The following SLC25A27 variants were observed in gnomAD, a reference collection of about 807,000 sequenced individuals.
SLC25A27 encodes mitochondrial uncoupling protein 4.
SLC25A27 carries 35 observed loss-of-function variants against 49.1 expected under a neutral mutation model. That is an observed-to-expected ratio of 0.71 (90% CI 0.54 to 0.95). The LOEUF (loss-of-function observed/expected upper bound fraction) is 0.95, where lower values mean the gene tolerates loss of function less well. Ranked by LOEUF, SLC25A27 falls within the 40% of genes least tolerant of loss-of-function variation. The pLI is 0.00. For missense variants in SLC25A27, 339 were observed against 397.1 expected (o/e 0.85, Z 1.24); for synonymous variants, 144 against 136.9 (o/e 1.05, Z -0.36).
At chr6:46,668,979 T>A (rs1763419969) in intron 6 of SLC25A27, among the ~76,000 whole-genome samples, 186 bp downstream of exon 6, 1 of 152,218 alleles carries the variant, frequency 6.6e-6, no homozygotes, top group African/African-American at 2.4e-5. Flanking sequence ...ACAGACAAAG[T>A]TGTAGGATGT....
At chr6:46,667,037 T>C (rs956511144) in intron 5 of SLC25A27, among the ~76,000 whole-genome samples, 1 of 152,162 alleles carries the variant, frequency 6.6e-6, no homozygotes, top group African/African-American at 2.4e-5. Flanking sequence ...AACTAGTCTT[T>C]CCATATCTAC....
At chr6:46,673,953 G>T (rs1763656147) in intron 8 of SLC25A27, among the ~76,000 whole-genome samples, 1 of 152,138 alleles carries the variant, frequency 6.6e-6, no homozygotes, top group African/African-American at 2.4e-5. Context: ...GACATTTATG[G>T]TTAACTCCAT....
At position 46,653,551 on chromosome 6, in the gene SLC25A27, T is replaced by C. The variant is rs371129657; in HGVS notation, c.106+253T>C. ...GCTGTGGTGCTTGAATGTTGTACTT[T>C]AAGAAGCTTCGCGAGCTGTCATTCC... On this transcript the variant is annotated intron_variant, in intron 1 of 8. Transcript: ENST00000371347. 11 of 985,342 alleles carry C rather than the reference T, an allele frequency of 1.1e-5. No individual in the cohort carries two copies. The African/African-American group carries it at 1.9e-4, about 17-fold the overall frequency. 61.0% of individuals were successfully genotyped at this position (985,342 alleles called of 1,614,324 possible).
chr6:46,653,640 C>G, intron 1 of SLC25A27: 1 of 985,302 alleles, frequency 1.0e-6, no homozygotes. Flanking sequence ...TGTTTTCCAT[C>G]CTTACTGAGA....
intron 4 of SLC25A27, among the ~76,000 whole-genome samples, chr6:46,663,929 A>G (rs1763244321): frequency 6.6e-6 from 1 of 152,254 alleles, no homozygotes; most frequent in African/African-American, 2.4e-5. Flanking sequence ...CATCTCATGT[A>G]TATTAAATGC....
chr6:46,674,863 TTA>T (rs1195573682), intron 8 of SLC25A27, among the ~76,000 whole-genome samples: 3 of 152,172 alleles, frequency 2.0e-5, no homozygotes, highest in Non-Finnish European at 4.4e-5. Flanking sequence ...AAGAGAGCTC[TTA>T]TATGTTCAAC....
At chr6:46,661,489 T>C (rs1275800471) in intron 3 of SLC25A27, among the ~76,000 whole-genome samples, 3 of 152,250 alleles carry the variant, frequency 2.0e-5, no homozygotes, top group African/African-American at 7.2e-5. Flanking sequence ...CTTTAAGATA[T>C]GCTGTTAAGA....
chr6:46,654,155 G>T, intron 1 of SLC25A27: 1 of 979,438 alleles, frequency 1.0e-6, no homozygotes, highest in East Asian at 1.1e-4. Flanking sequence ...GTATACTCAT[G>T]TGTTTCCTGT....
rs995645382 is a variant in SLC25A27 at position 46,654,395 on chromosome 6, G to T, written c.106+1097G>T. On this transcript the variant is annotated intron_variant, in intron 1 of 8. Transcript: ENST00000371347. The stretch of plus-strand genomic sequence containing the variant: ...TGTCTCTCCTTTCGAAAATGATGGA[G>T]AATTTTTACTTTTCATTGTTTTTAC... 2.6e-5 allele frequency among the ~76,000 whole-genome samples: 4 copies of T among 152,150 alleles called. 1 individual carries two copies. Among genetic ancestry groups the T allele is most frequent in the Admixed American group, 1.3e-4 (2 of 15,284 alleles).
chr6:46,661,182 G>A (rs1446536311), intron 3 of SLC25A27, among the ~76,000 whole-genome samples: 2 of 152,092 alleles, frequency 1.3e-5, no homozygotes, highest in Admixed American at 6.5e-5. Flanking sequence ...ATATGATAAT[G>A]TATGTGCTCA....
At chr6:46,666,517 T>C (rs1299561397) in intron 5 of SLC25A27, among the ~76,000 whole-genome samples, 1 of 152,208 alleles carries the variant, frequency 6.6e-6, no homozygotes, top group Non-Finnish European at 1.5e-5. Context: ...GTTTTCAGCT[T>C]TGCTATTAGA....
intron 2 of SLC25A27, 81 bp downstream of exon 2, chr6:46,656,115 A>C (rs1762969449): frequency 2.4e-6 from 3 of 1,245,500 alleles, no homozygotes; most frequent in Non-Finnish European, 3.4e-6. Flanking sequence ...TCCAAAAACA[A>C]GTTAGTTTTT....
Position 46,657,224 on chromosome 6 carries a change from A to G in SLC25A27, c.298+1190A>G, listed in dbSNP as rs530239303. Among the ~76,000 whole-genome samples the G allele has an allele frequency of 1.1e-4, 17 of 152,238 alleles. No individual in the cohort carries two copies. The South Asian group carries it at 3.5e-3, about 32-fold the overall frequency. Reference sequence around the variant, plus strand: ...CACACCTATAATCCAGCACTTTGGGAGGCACAGGTGGGTGGATCACCTAAG... The same window carrying G: ...CACACCTATAATCCAGCACTTTGGGGGGCACAGGTGGGTGGATCACCTAAG... On this transcript the variant is annotated intron_variant, in intron 2 of 8. Coordinates refer to ENST00000371347, the MANE Select transcript of SLC25A27 (RefSeq NM_004277.5).
chr6:46,655,958 AG>A lies in SLC25A27; in HGVS notation c.223del (p.Ala75LeufsTer2). On this transcript the variant is annotated frameshift_variant, in exon 2 of 9. Coordinates refer to ENST00000371347, the MANE Select transcript of SLC25A27 (RefSeq NM_004277.5). LOFTEE classifies it high-confidence loss of function. ...CCCCCTATAGGGGAATGGTGCGCAC[AG>A]CTCTAGGGATCATTGAAGAGGAAGG... ...SAPYRGMVRT[A>X]LGIIEEEGFL... 1 of 1,613,884 alleles carries A rather than the reference AG, an allele frequency of 6.2e-7. No homozygotes were observed. Among genetic ancestry groups the A allele is most frequent in the Non-Finnish European group, 8.5e-7 (1 of 1,179,924 alleles).
At chr6:46,667,845 GTC>G (rs1180627908) in intron 5 of SLC25A27, among the ~76,000 whole-genome samples, 2 of 152,064 alleles carry the variant, frequency 1.3e-5, no homozygotes, top group African/African-American at 4.8e-5. Flanking sequence ...TTACTTTATT[GTC>G]TCATCCCACA....
rs1245647026 is a variant in SLC25A27, at chr6:46,662,495, T to C, written c.503T>C (p.Leu168Ser). Residue 168 changes from leucine to serine, a missense_variant, in exon 4 of 9, where the codon TTG (leucine) becomes TCG (serine). Leu to Ser is a moderately radical substitution (Grantham distance 145). Coordinates refer to ENST00000371347, the MANE Select transcript of SLC25A27 (RefSeq NM_004277.5). The part of the protein sequence containing the change: ...EGKRKLEGKP[L>S]RFRGVHHAFA... ...AAAAGGAAACTGGAAGGAAAACCATTGCGGTAAGTTCTCCAATTAACCAAT... is the reference window on the plus strand; with the variant it reads ...AAAAGGAAACTGGAAGGAAAACCATCGCGGTAAGTTCTCCAATTAACCAAT... The C allele has an allele frequency of 6.2e-7, 1 of 1,613,652 alleles. No individual in the cohort carries two copies.
At chr6:46,660,010 G>T (rs957567305) in intron 3 of SLC25A27, among the ~76,000 whole-genome samples, 1 of 151,994 alleles carries the variant, frequency 6.6e-6, no homozygotes, top group South Asian at 2.1e-4. Context: ...TTGAAACACA[G>T]ATATTAACAC....
intron 4 of SLC25A27, 51 bp downstream of exon 4, chr6:46,662,549 T>C (rs756115097): frequency 6.3e-7 from 1 of 1,588,234 alleles, no homozygotes. Flanking sequence ...GCCACCGTCA[T>C]ATTTTTAACA....
chr6:46,662,862 C>T (rs1380591635), intron 4 of SLC25A27, among the ~76,000 whole-genome samples: 1 of 152,176 alleles, frequency 6.6e-6, no homozygotes, highest in East Asian at 1.9e-4. Flanking sequence ...TTTCTGGTCT[C>T]TTGGGTTTTC....
Sources: gnomAD v4.1 joint callset for allele counts (sites outside exome capture counted in the v4.1 genomes callset) on GRCh38, gnomAD v4.1.1 for gene constraint, MANE v1.5 for transcripts, NCBI Gene and HGNC (gene_info 2026-07-23, HGNC 2026-07-21) for gene names.